The following PHF21B variants were observed in gnomAD, a reference collection of about 807,000 sequenced individuals.
PHF21B encodes PHD finger protein 21B.
Under a neutral mutation model 62.2 loss-of-function variants are expected in PHF21B, and 22 were observed. The ratio of observed to expected loss-of-function variants is 0.35; its 90% CI spans 0.25 to 0.51. PHF21B has a LOEUF of 0.51. PHF21B is among the 20% of genes least tolerant of loss of function. PHF21B has a pLI of 0.97. For synonymous variants in PHF21B, 341 were observed against 314.7 expected (o/e 1.08, Z -0.88); for missense variants, 701 against 707.9 (o/e 0.99, Z 0.11).
At chr22:44,995,276 C>T (rs368883326) in intron 2 of PHF21B, among the ~76,000 whole-genome samples, 156 of 152,274 alleles carry the variant, frequency 1.0e-3, no homozygotes, top group African/African-American at 3.5e-3. Context: ...CCTTCAAAGC[C>T]GCTTCTTTGG....
intron 2 of PHF21B, among the ~76,000 whole-genome samples, chr22:44,934,764 C>T (rs1214760650): frequency 5.9e-4 from 90 of 152,330 alleles, no homozygotes; most frequent in Non-Finnish European, 1.5e-5. Context: ...CTGATTCGTC[C>T]AAAGTCCCCA....
chr22:44,894,266 G>C (rs572195337), intron 6 of PHF21B, among the ~76,000 whole-genome samples: 1 of 152,338 alleles, frequency 6.6e-6, no homozygotes, highest in East Asian at 1.9e-4. Flanking sequence ...TTGGGGAGAG[G>C]TTTCTAAATG....
At chr22:44,922,689 G>C (rs1157765926) in intron 2 of PHF21B, among the ~76,000 whole-genome samples, 1 of 152,016 alleles carries the variant, frequency 6.6e-6, no homozygotes, top group East Asian at 1.9e-4. Context: ...CCAACATTTA[G>C]AAATTCAAAA....
At chr22:44,985,415 C>G (rs2072927789) in intron 2 of PHF21B, among the ~76,000 whole-genome samples, 1 of 152,092 alleles carries the variant, frequency 6.6e-6, no homozygotes, top group South Asian at 2.1e-4. Flanking sequence ...AAGGCCCAGC[C>G]TAGGCAACAG....
At chr22:44,935,599 G>A (rs2071830352) in intron 2 of PHF21B, among the ~76,000 whole-genome samples, 3 of 146,086 alleles carry the variant, frequency 2.1e-5, no homozygotes, top group African/African-American at 7.7e-5. Context: ...GGGCGACAGA[G>A]CAAGACTCCG....
intron 2 of PHF21B, among the ~76,000 whole-genome samples, chr22:45,001,453 G>A (rs779282824): frequency 1.3e-4 from 20 of 152,090 alleles, no homozygotes; most frequent in Non-Finnish European, 2.6e-4. Flanking sequence ...ACAGCACATC[G>A]TCCCATCTGC....
chr22:45,008,995 T>C, intron 1 of PHF21B: 1 of 1,099,426 alleles, frequency 9.1e-7, no homozygotes, highest in Non-Finnish European at 1.1e-6. Flanking sequence ...CTCATAAATA[T>C]TCAAGTCGCG....
rs867225880 is a variant in PHF21B at position 44,909,542 on chromosome 22, A to G, written c.831+4280T>C. ...GGCTTTTTAGACATGTCGAAGGACAATAATCAAGTCATTCTTCTGCTCAAA... is the reference window on the plus strand; with the variant it reads ...GGCTTTTTAGACATGTCGAAGGACAGTAATCAAGTCATTCTTCTGCTCAAA... On this transcript the variant is annotated intron_variant, in intron 5 of 12. Transcript: ENST00000313237. Among the ~76,000 whole-genome samples the G allele has an allele frequency of 2.6e-5, 4 of 152,384 alleles. 1 individual carries two copies. The Middle Eastern group carries it at 0.01, about 389-fold the overall frequency.
chr22:44,990,455 G>T (rs1241628080), intron 2 of PHF21B, among the ~76,000 whole-genome samples: 4 of 152,216 alleles, frequency 2.6e-5, no homozygotes, highest in African/African-American at 9.6e-5. Flanking sequence ...CGGAGTACGT[G>T]CAAGCAGTGG....
intron 2 of PHF21B, among the ~76,000 whole-genome samples, chr22:44,927,293 C>T (rs1003617137): frequency 6.6e-6 from 1 of 152,078 alleles, no homozygotes; most frequent in East Asian, 1.9e-4. Context: ...CCCCAAAACT[C>T]CAAACCAACG....
At chr22:45,006,731 TTTC>T (rs1239781610) in intron 2 of PHF21B, among the ~76,000 whole-genome samples, 4 of 152,126 alleles carry the variant, frequency 2.6e-5, no homozygotes, top group East Asian at 1.9e-4. Context: ...TATTGGATTT[TTTC>T]TTCTTCTCTC....
intron 2 of PHF21B, among the ~76,000 whole-genome samples, chr22:44,921,567 G>A (rs531739443): frequency 8.7e-5 from 13 of 150,178 alleles, no homozygotes; most frequent in South Asian, 2.1e-4. Context: ...GGGTTTCACC[G>A]TGTTAGCCAG....
chr22:44,944,954 CCTCTGTG>C (rs2072036264), intron 2 of PHF21B, among the ~76,000 whole-genome samples: 1 of 152,228 alleles, frequency 6.6e-6, no homozygotes, highest in African/African-American at 2.4e-5. Flanking sequence ...TTCGTTTCCT[CCTCTGTG>C]AATTAGAGCG....
intron 2 of PHF21B, among the ~76,000 whole-genome samples, chr22:44,958,739 G>A (rs1270714389): frequency 6.6e-6 from 1 of 150,788 alleles, no homozygotes; most frequent in Non-Finnish European, 1.5e-5. Context: ...TTGAGTAGCT[G>A]GAATTACAGG....
chr22:44,920,334 T>G, intron 3 of PHF21B, 64 bp downstream of exon 3: 3 of 1,381,646 alleles, frequency 2.2e-6, no homozygotes, highest in Non-Finnish European at 9.9e-7. Context: ...TGCTGAGGGG[T>G]TAGGAACAGA....
chr22:44,893,510 G>A lies in PHF21B; in HGVS notation c.907C>T (p.Arg303Trp), dbSNP rs1448839516. Residue 303 changes from arginine to tryptophan, a missense_variant, in exon 7 of 13, where the codon CGG (arginine) becomes TGG (tryptophan). Coordinates refer to ENST00000313237, the MANE Select transcript of PHF21B (RefSeq NM_138415.5). Reference protein sequence around the residue: ...LEEIQSKRQERKRRSTANPAY... With the variant: ...LEEIQSKRQEWKRRSTANPAY... ...GGGTTGGCTGTGCTTCTTCTCTTCC[G>A]CTCCTGTCGCTTGCTCTGGATTTCT... 3.1e-6 allele frequency: 5 copies of A among 1,603,410 alleles called. No individual in the cohort carries two copies. Among genetic ancestry groups the A allele is most frequent in the South Asian group, 2.3e-5 (2 of 88,756 alleles).
intron 8 of PHF21B, among the ~76,000 whole-genome samples, chr22:44,890,746 G>A (rs1939506072): frequency 6.6e-6 from 1 of 152,272 alleles, no homozygotes; most frequent in South Asian, 2.1e-4. Flanking sequence ...GGGCCCTGCA[G>A]ACACAGGTAG....
At chr22:44,955,148 C>T (rs920911913) in intron 2 of PHF21B, among the ~76,000 whole-genome samples, 1 of 152,184 alleles carries the variant, frequency 6.6e-6, no homozygotes, top group African/African-American at 2.4e-5. Flanking sequence ...CTCCCAGAGT[C>T]CTGGCCTCGG....
At chr22:44,932,736 T>C (rs371982140) in intron 2 of PHF21B, among the ~76,000 whole-genome samples, 1 of 152,252 alleles carries the variant, frequency 6.6e-6, no homozygotes, top group South Asian at 2.1e-4. Flanking sequence ...GCCCAGCAGG[T>C]GCTCCTCTCT....
Sources: allele counts gnomAD v4.1 joint callset (sites outside exome capture counted in the v4.1 genomes callset), GRCh38; gene constraint gnomAD v4.1.1; transcripts MANE v1.5; gene names NCBI Gene and HGNC (gene_info 2026-07-23, HGNC 2026-07-21).